Variants in SURF4 observed in about 807,000 individuals in gnomAD.
The protein encoded by SURF4 is surfeit locus protein 4.
Under a neutral mutation model 30.0 loss-of-function variants are expected in SURF4, and 3 were observed. The ratio of observed to expected loss-of-function variants is 0.10; its 90% CI spans 0.05 to 0.26. The LOEUF (loss-of-function observed/expected upper bound fraction) is 0.26. Among genes scored for constraint, SURF4 ranks in the 10% least tolerant of loss-of-function variants. The pLI, the probability that SURF4 is intolerant of heterozygous loss-of-function variation, is 1.00. For missense variants in SURF4, 217 were observed against 350.8 expected, an observed-to-expected ratio of 0.62 and a Z score of 3.05; for synonymous variants, 143 against 139.9, an observed-to-expected ratio of 1.02 and a Z score of -0.16.
chr9:133,375,417 T>C (rs1588726199), intron 1 of SURF4: 6 of 985,720 alleles, frequency 6.1e-6, no homozygotes, highest in African/African-American at 1.7e-5. Context: ...AAAGGTGCTG[T>C]GGCTTCCTGT....
chr9:133,364,291 G>C (rs1024086614), intron 5 of SURF4, among the ~76,000 whole-genome samples: 4 of 152,200 alleles, frequency 2.6e-5, no homozygotes, highest in African/African-American at 9.6e-5. Flanking sequence ...GCCAACCAAG[G>C]GCCAAGCACA....
At chr9:133,374,822 C>T (rs1837770854) in intron 1 of SURF4, among the ~76,000 whole-genome samples, 2 of 151,802 alleles carry the variant, frequency 1.3e-5, no homozygotes, top group Admixed American at 1.3e-4. Context: ...TTTTAAACCA[C>T]ACATATACAA....
Position 133,365,973 on chromosome 9 carries a change from G to A in SURF4, c.356+12C>T, listed in dbSNP as rs1443256221. ...AAGGAGCGTATACTAAAACCAACCA[G>A]AATGCACATACCTCATCAAAAACTT... On this transcript the variant is annotated intron_variant, in intron 4 of 5. Coordinates refer to ENST00000371989, the MANE Select transcript of SURF4 (RefSeq NM_033161.4). The A allele has an allele frequency of 3.2e-5, 52 of 1,613,502 alleles. No homozygotes were observed. The highest frequency in any genetic ancestry group is 4.4e-5 in the Non-Finnish European group (52 of 1,179,710).
chr9:133,365,747 T>C (rs2130119901), intron 4 of SURF4, among the ~76,000 whole-genome samples: 4 of 152,348 alleles, frequency 2.6e-5, no homozygotes, highest in African/African-American at 7.2e-5. Context: ...TGAGTATCCC[T>C]AACCTGAAAT....
intron 5 of SURF4, among the ~76,000 whole-genome samples, chr9:133,364,259 G>A (rs1157322336): frequency 6.6e-6 from 1 of 152,202 alleles, no homozygotes; most frequent in Non-Finnish European, 1.5e-5. Flanking sequence ...AAGAGTAAGG[G>A]GAGCCCGGGT....
At position 133,362,007 on chromosome 9, in the gene SURF4, C is replaced by G. The variant is rs1438246498; in HGVS notation, c.*1486G>C. On this transcript the variant is annotated 3_prime_UTR_variant, in exon 6 of 6. Transcript: ENST00000371989. ...GCCATTGCTCGATCTTACCAATATTCGGGGGTAAGGAAGTAGGCTACCAGG... is the reference window on the plus strand; with the variant it reads ...GCCATTGCTCGATCTTACCAATATTGGGGGGTAAGGAAGTAGGCTACCAGG... 6.6e-6 allele frequency: 1 copy of G among 152,242 alleles called. No homozygotes were observed. Among genetic ancestry groups the G allele is most frequent in the Admixed American group, 6.5e-5 (1 of 15,292 alleles). 9.4% of individuals were successfully genotyped at this position (152,242 alleles called of 1,614,324 possible).
upstream of SURF4, chr9:133,376,145 C>A: frequency 8.3e-7 from 1 of 1,207,704 alleles, no homozygotes; most frequent in South Asian, 4.1e-5. Flanking sequence ...GCGCGCCGCC[C>A]GGGCCCGCCC....
upstream of SURF4, chr9:133,376,708 GCCTCCAACGGTGACCTCCTGGGTGC>G: frequency 3.1e-6 from 2 of 646,924 alleles, no homozygotes; most frequent in Non-Finnish European, 5.2e-6. Flanking sequence ...AACCCGGGGG[GCCTCCAACGGTGACCTCCTGGGTGC>G]CCTTTGCCAC....
At chr9:133,375,793 G>GT in intron 1 of SURF4, 129 bp downstream of exon 1, 1 of 962,500 alleles carries the variant, frequency 1.0e-6, no homozygotes, top group Non-Finnish European at 1.3e-6. Context: ...GGGCGGGGGG[G>GT]TCCCCCTGTG....
At chr9:133,365,839 A>G in intron 4 of SURF4, 146 bp downstream of exon 4, 1 of 793,300 alleles carries the variant, frequency 1.3e-6, no homozygotes, top group East Asian at 2.6e-5. Flanking sequence ...TGAAAATCCA[A>G]AACCTGAAAT....
At chr9:133,365,564 A>C (rs1420525080) in intron 4 of SURF4, among the ~76,000 whole-genome samples, 1 of 152,194 alleles carries the variant, frequency 6.6e-6, no homozygotes, top group African/African-American at 2.4e-5. Context: ...ATGATAGGTG[A>C]TGAGCTAAAA....
upstream of SURF4, chr9:133,376,300 G>T (rs1012710084): frequency 7.5e-6 from 10 of 1,336,498 alleles, no homozygotes; most frequent in African/African-American, 3.1e-5. Flanking sequence ...CCGGCCCGGC[G>T]GAACGCGTCC....
At chr9:133,371,022 G>C in intron 1 of SURF4, 1 of 1,278,760 alleles carries the variant, frequency 7.8e-7, no homozygotes, top group South Asian at 1.2e-5. Flanking sequence ...GACTGAAGGG[G>C]ATTTTAGAAA....
upstream of SURF4, chr9:133,376,191 C>A (rs1837929787): frequency 4.0e-6 from 5 of 1,253,136 alleles, no homozygotes; most frequent in Non-Finnish European, 5.0e-6. Flanking sequence ...CCATCCCCAG[C>A]CTCCCGACCC....
chr9:133,373,933 A>AG (rs1837682779), intron 1 of SURF4, among the ~76,000 whole-genome samples: 1 of 149,138 alleles, frequency 6.7e-6, no homozygotes, highest in Non-Finnish European at 1.5e-5. Context: ...AAAAAAAAAA[A>AG]AAGAAGAAGA....
chr9:133,376,219 C>T (rs1837931200), upstream of SURF4: 4 of 1,282,518 alleles, frequency 3.1e-6, no homozygotes, highest in Middle Eastern at 3.0e-4. Flanking sequence ...CGAAGCCACG[C>T]CCGCCGCGCT....
At chr9:133,376,307 G>T (rs2119196151), upstream of SURF4, 1 of 1,340,290 alleles carries the variant, frequency 7.5e-7, no homozygotes, top group African/African-American at 1.5e-5. Context: ...GGCGGAACGC[G>T]TCCCTTTTAA....
chr9:133,363,283 G>T lies in SURF4; in HGVS notation c.*210C>A. On this transcript the variant is annotated 3_prime_UTR_variant, in exon 6 of 6. Coordinates refer to ENST00000371989, the MANE Select transcript of SURF4 (RefSeq NM_033161.4). This position sits in a 1 kb window ranked among gnomAD's most constrained non-coding sequence, Gnocchi z 4.3. ...TCCAGCTGCCAGGCTGGCCTGCACT[G>T]AAGGGTCAGACGCCAGACTGTGGCT... 1 of 877,044 alleles carries T rather than the reference G, an allele frequency of 1.1e-6. No homozygotes were observed. Among genetic ancestry groups the T allele is most frequent in the Non-Finnish European group, 1.9e-6 (1 of 538,288 alleles). 54.3% of individuals were successfully genotyped at this position (877,044 alleles called of 1,614,324 possible).
At chr9:133,366,753 A>C (rs1588710312) in intron 2 of SURF4, 78 bp from the exon 3 acceptor site, 24 of 1,381,122 alleles carry the variant, frequency 1.7e-5, no homozygotes, top group Non-Finnish European at 2.0e-5. Flanking sequence ...CTGCTACCTC[A>C]CCTGGCCCTT....
Sources: gnomAD v4.1 joint callset for allele counts (sites outside exome capture counted in the v4.1 genomes callset) on GRCh38, gnomAD v4.1.1 for gene constraint, Gnocchi (gnomAD v3.1) non-coding constraint, MANE v1.5 for transcripts, NCBI Gene and HGNC (gene_info 2026-07-23, HGNC 2026-07-21) for gene names.